Variants in KLF8 observed in about 807,000 individuals in gnomAD.
The protein encoded by KLF8 is Krueppel-like factor 8.
In KLF8, 10 loss-of-function variants were observed where a neutral mutation model predicts 18.2. The ratio of observed to expected loss-of-function variants is 0.55; its 90% CI spans 0.34 to 0.93. The LOEUF is 0.93. Among genes scored for constraint, KLF8 ranks in the 40% least tolerant of loss-of-function variants. The pLI is 0.02. For synonymous variants in KLF8, 109 were observed against 97.3 expected (o/e 1.12, Z -0.71); for missense variants, 264 against 277.9 (o/e 0.95, Z 0.36).
At chrX:56,094,393 C>T in the KLF8 span, among the ~76,000 whole-genome samples, 160 of 110,863 alleles carry the variant, frequency 1.4e-3, no homozygotes, top group African/African-American at 4.9e-3. Context: ...TGACTAAGTA[C>T]AAATTATCCA....
chrX:56,203,820 AC>A, the KLF8 span, among the ~76,000 whole-genome samples: 1 of 111,705 alleles, frequency 9.0e-6, no homozygotes, highest in South Asian at 3.7e-4. Context: ...TGTTTTGGTT[AC>A]TATATGTTTA....
At chrX:56,071,035 C>A in the KLF8 span, among the ~76,000 whole-genome samples, 1 of 111,570 alleles carries the variant, frequency 9.0e-6, no homozygotes, top group African/African-American at 3.3e-5. Context: ...GGCTGAAGTG[C>A]CACTGAAGAG....
the KLF8 span, among the ~76,000 whole-genome samples, chrX:56,138,144 A>T: frequency 9.1e-6 from 1 of 109,656 alleles, no homozygotes. Context: ...AGGAATTGAT[A>T]CCCTAAACAG....
chrX:56,075,594 A>G, the KLF8 span, among the ~76,000 whole-genome samples: 1 of 111,642 alleles, frequency 9.0e-6, no homozygotes, highest in Admixed American at 9.5e-5. Context: ...TGTGCTATCA[A>G]TTAGTAAGTC....
the KLF8 span, among the ~76,000 whole-genome samples, chrX:56,028,684 C>T: frequency 9.0e-6 from 1 of 111,277 alleles, no homozygotes; most frequent in Non-Finnish European, 1.9e-5. Context: ...ATTTTTGAAC[C>T]CTTGGGGAAG....
At chrX:56,051,280 T>C in the KLF8 span, among the ~76,000 whole-genome samples, 24 of 110,991 alleles carry the variant, frequency 2.2e-4, no homozygotes, top group African/African-American at 6.9e-4. Context: ...TTAAAGTTAA[T>C]ATTGTTACGT....
At chrX:56,273,282 A>C (rs1367120864) in intron 5 of KLF8, among the ~76,000 whole-genome samples, 2 of 111,480 alleles carry the variant, frequency 1.8e-5, no homozygotes, top group African/African-American at 6.5e-5. Flanking sequence ...AAAGGGGTAT[A>C]TCTGTCCCCT....
chrX:56,204,482 C>T, the KLF8 span, among the ~76,000 whole-genome samples: 1 of 111,494 alleles, frequency 9.0e-6, no homozygotes, highest in Non-Finnish European at 1.9e-5. Flanking sequence ...TGACAATGGG[C>T]CTCCTTGTTG....
chrX:55,923,912 C>T, the KLF8 span, among the ~76,000 whole-genome samples: 2 of 111,154 alleles, frequency 1.8e-5, no homozygotes, highest in Admixed American at 1.9e-4. Flanking sequence ...ACATGCCTGC[C>T]ACAAGACTTT....
chrX:56,228,439 T>A (rs1227260347), upstream of KLF8, among the ~76,000 whole-genome samples: 2 of 112,144 alleles, frequency 1.8e-5, no homozygotes, highest in Admixed American at 9.4e-5. Context: ...AGCTTAAGCT[T>A]CATTAATTTT....
At chrX:56,234,135 C>A (rs931190728) in intron 1 of KLF8, among the ~76,000 whole-genome samples, 1 of 111,492 alleles carries the variant, frequency 9.0e-6, no homozygotes, top group African/African-American at 3.3e-5. Context: ...GCCAAAGGCA[C>A]CATGTCTTAT....
the KLF8 span, among the ~76,000 whole-genome samples, chrX:56,102,086 C>T: frequency 9.0e-6 from 1 of 111,673 alleles, no homozygotes; most frequent in Admixed American, 9.5e-5. Context: ...AGTTTGAAGT[C>T]TTATATTTAA....
chrX:56,011,660 A>G, the KLF8 span, among the ~76,000 whole-genome samples: 2 of 111,857 alleles, frequency 1.8e-5, no homozygotes, highest in South Asian at 3.7e-4. Context: ...AAAAAATTCA[A>G]TGAATCCAGG....
the KLF8 span, among the ~76,000 whole-genome samples, chrX:55,952,721 G>T: frequency 0.13 from 14,592 of 111,424 alleles, 1,746 homozygotes; most frequent in African/African-American, 0.39. Context: ...GGGCTTCTTT[G>T]GGGGAGGTCC....
At chrX:55,976,350 T>C in the KLF8 span, among the ~76,000 whole-genome samples, 150 of 111,369 alleles carry the variant, frequency 1.3e-3, 1 homozygote, top group East Asian at 0.038. Flanking sequence ...TTTGTTCTTT[T>C]TACTCAATAT....
At chrX:56,277,272 G>A (rs929297955) in intron 5 of KLF8, among the ~76,000 whole-genome samples, 3 of 111,549 alleles carry the variant, frequency 2.7e-5, no homozygotes, top group Non-Finnish European at 5.6e-5. Context: ...AGTCTTCACA[G>A]TCTGGGTTGG....
At chrX:56,005,218 C>G in the KLF8 span, among the ~76,000 whole-genome samples, 1 of 110,156 alleles carries the variant, frequency 9.1e-6, no homozygotes, top group African/African-American at 3.3e-5. Context: ...GTGTCAGCCC[C>G]CCAGCTTTGT....
chrX:55,985,824 T>A, the KLF8 span, among the ~76,000 whole-genome samples: 1 of 110,754 alleles, frequency 9.0e-6, no homozygotes, highest in Non-Finnish European at 1.9e-5. Context: ...TGGTTTGTAG[T>A]TCCCCTTCAA....
the KLF8 span, among the ~76,000 whole-genome samples, chrX:56,082,546 A>T: frequency 9.4e-6 from 1 of 106,296 alleles, no homozygotes; most frequent in African/African-American, 3.4e-5. Context: ...TATAAAGTTC[A>T]GTTGTTAATT....
Sources: gnomAD v4.1 joint callset for allele counts (sites outside exome capture counted in the v4.1 genomes callset) on GRCh38, gnomAD v4.1.1 for gene constraint, MANE v1.5 for transcripts, NCBI Gene and HGNC (gene_info 2026-07-23, HGNC 2026-07-21) for gene names.